Variants in CLSTN2 observed in about 807,000 individuals in gnomAD.
The protein encoded by CLSTN2 is calsyntenin-2.
In CLSTN2, 48 loss-of-function variants were observed where a neutral mutation model predicts 101.2. That is an observed-to-expected ratio of 0.47 (90% CI 0.38 to 0.60). The LOEUF is 0.60. Ranked by LOEUF, CLSTN2 falls within the 20% of genes least tolerant of loss-of-function variation. The pLI is 0.00. For missense variants in CLSTN2, 1,160 were observed against 1,238.2 expected, an observed-to-expected ratio of 0.94 and a Z score of 0.95; for synonymous variants, 481 against 463.6, an observed-to-expected ratio of 1.04 and a Z score of -0.48.
At chr3:140,181,075 A>G (rs972506319) in intron 2 of CLSTN2, among the ~76,000 whole-genome samples, 1 of 152,236 alleles carries the variant, frequency 6.6e-6, no homozygotes, top group African/African-American at 2.4e-5. Context: ...GAAGGCAGAC[A>G]TTGTGAATGG....
At chr3:140,466,534 G>A (rs1227676606) in intron 7 of CLSTN2, 76 bp from the exon 8 acceptor site, 1 of 1,584,752 alleles carries the variant, frequency 6.3e-7, no homozygotes, top group Admixed American at 1.7e-5. Context: ...TGCTAAGTGA[G>A]TGAGCAGGAA....
intron 7 of CLSTN2, among the ~76,000 whole-genome samples, chr3:140,463,028 C>T (rs181332340): frequency 2.6e-5 from 4 of 152,194 alleles, no homozygotes; most frequent in Admixed American, 2.0e-4. Context: ...GTTAGGTGAA[C>T]ACATAGCCAT....
chr3:140,361,946 G>A (rs368195725), intron 2 of CLSTN2, among the ~76,000 whole-genome samples: 83 of 152,142 alleles, frequency 5.5e-4, no homozygotes, highest in African/African-American at 1.8e-3. Flanking sequence ...CCAAAATTCC[G>A]GTAGGCTTTT....
At chr3:140,089,971 CTTTT>C (rs58418539) in intron 1 of CLSTN2, among the ~76,000 whole-genome samples, 3,941 of 49,228 alleles carry the variant, frequency 0.08, 112 homozygotes, top group East Asian at 0.17. Context: ...CTAGGATTGG[CTTTT>C]TTTTTTTTTT....
intron 7 of CLSTN2, among the ~76,000 whole-genome samples, chr3:140,465,750 C>T (rs1933682792): frequency 6.6e-6 from 1 of 152,222 alleles, no homozygotes; most frequent in South Asian, 2.1e-4. Flanking sequence ...ATTCTCTCAA[C>T]ATCACCCAAG....
intron 2 of CLSTN2, among the ~76,000 whole-genome samples, chr3:140,360,015 C>T (rs140608717): frequency 1.8e-4 from 27 of 151,406 alleles, no homozygotes; most frequent in East Asian, 7.7e-4. Context: ...CACACACACA[C>T]ACACACACAC....
At chr3:140,223,802 G>A (rs1233786014) in intron 2 of CLSTN2, among the ~76,000 whole-genome samples, 1 of 152,168 alleles carries the variant, frequency 6.6e-6, no homozygotes, top group African/African-American at 2.4e-5. Context: ...TCCTGTGGCT[G>A]CTTTCTTCCA....
At chr3:140,232,096 T>G (rs1374451554) in intron 2 of CLSTN2, among the ~76,000 whole-genome samples, 1 of 152,136 alleles carries the variant, frequency 6.6e-6, no homozygotes, top group Non-Finnish European at 1.5e-5. Context: ...ACTAAATAAA[T>G]GTTAGGTATC....
intron 2 of CLSTN2, among the ~76,000 whole-genome samples, chr3:140,302,067 TA>T (rs2087066187): frequency 6.6e-6 from 1 of 152,234 alleles, no homozygotes; most frequent in Admixed American, 6.5e-5. Context: ...TCTATGCTGT[TA>T]TGTAGAACAA....
At chr3:140,234,657 C>T (rs1039148441) in intron 2 of CLSTN2, among the ~76,000 whole-genome samples, 3 of 152,140 alleles carry the variant, frequency 2.0e-5, no homozygotes, top group Admixed American at 6.5e-5. Flanking sequence ...TGCTTGCTTT[C>T]GTTCATGCTA....
intron 1 of CLSTN2, among the ~76,000 whole-genome samples, chr3:139,997,220 T>A (rs1208716537): frequency 6.6e-6 from 1 of 152,170 alleles, no homozygotes; most frequent in Non-Finnish European, 1.5e-5. Flanking sequence ...TTATCTGGGT[T>A]TTACCTTGTC....
chr3:140,071,643 A>C (rs2008395993), intron 1 of CLSTN2, among the ~76,000 whole-genome samples: 1 of 152,092 alleles, frequency 6.6e-6, no homozygotes, highest in Non-Finnish European at 1.5e-5. Flanking sequence ...CATCCTGTCT[A>C]ACACGGTGAA....
At chr3:140,558,968 T>G in intron 12 of CLSTN2, 111 bp downstream of exon 12, 1 of 787,890 alleles carries the variant, frequency 1.3e-6, no homozygotes, top group Non-Finnish European at 2.1e-6. Flanking sequence ...ATGGCTTAAA[T>G]GTATACATGG....
chr3:140,313,357 C>G (rs886680696), intron 2 of CLSTN2, among the ~76,000 whole-genome samples: 5 of 152,166 alleles, frequency 3.3e-5, no homozygotes, highest in African/African-American at 1.2e-4. Flanking sequence ...CTGCAAATCA[C>G]CACACAGCCG....
At chr3:140,254,043 T>G (rs1232910084) in intron 2 of CLSTN2, among the ~76,000 whole-genome samples, 1 of 152,168 alleles carries the variant, frequency 6.6e-6, no homozygotes, top group Non-Finnish European at 1.5e-5. Context: ...CTTACCTAAT[T>G]TGGTCATATT....
chr3:140,141,889 G>T (rs1366783756), intron 1 of CLSTN2, among the ~76,000 whole-genome samples: 1 of 152,200 alleles, frequency 6.6e-6, no homozygotes. Flanking sequence ...GAGTTTCATT[G>T]TTTCAGAAGC....
intron 4 of CLSTN2, among the ~76,000 whole-genome samples, chr3:140,417,903 T>A (rs1339823821): frequency 1.3e-5 from 2 of 152,228 alleles, no homozygotes; most frequent in East Asian, 3.9e-4. Flanking sequence ...CATGCACAAA[T>A]TTGGTGGTGG....
At chr3:139,952,579 G>A (rs1935312902) in intron 1 of CLSTN2, among the ~76,000 whole-genome samples, 1 of 152,126 alleles carries the variant, frequency 6.6e-6, no homozygotes, top group African/African-American at 2.4e-5. Flanking sequence ...AGTCCTGTCA[G>A]TAAAAACCTG....
At chr3:140,055,555 T>C (rs2008081216) in intron 1 of CLSTN2, among the ~76,000 whole-genome samples, 1 of 152,224 alleles carries the variant, frequency 6.6e-6, no homozygotes, top group South Asian at 2.1e-4. Context: ...TTGGTTTCTG[T>C]ACATGCAACA....
Sources: allele counts gnomAD v4.1 joint callset (sites outside exome capture counted in the v4.1 genomes callset), GRCh38; gene constraint gnomAD v4.1.1; transcripts MANE v1.5; gene names NCBI Gene and HGNC (gene_info 2026-07-23, HGNC 2026-07-21).